The following DSCAML1 variants were observed in gnomAD, a reference collection of about 807,000 sequenced individuals.
DSCAML1 encodes DS cell adhesion molecule like 1.
In DSCAML1, 38 loss-of-function variants were observed where a neutral mutation model predicts 200.5. That is an observed-to-expected ratio of 0.19 (90% CI 0.15 to 0.25). DSCAML1 has a LOEUF of 0.25. DSCAML1 is among the 10% of genes least tolerant of loss of function. DSCAML1 has a pLI of 1.00. For synonymous variants in DSCAML1, 1,215 were observed against 1,165.0 expected (o/e 1.04, Z -0.87); for missense variants, 2,223 against 2,858.8 (o/e 0.78, Z 5.07).
chr11:117,661,489 T>C (rs767090049), intron 3 of DSCAML1, among the ~76,000 whole-genome samples: 1 of 152,208 alleles, frequency 6.6e-6, no homozygotes, highest in Non-Finnish European at 1.5e-5. Flanking sequence ...ATTACAAACA[T>C]CAAGTTACAT....
chr11:117,803,128 G>A (rs868097952), intron 1 of DSCAML1, among the ~76,000 whole-genome samples: 19 of 152,078 alleles, frequency 1.2e-4, no homozygotes, highest in African/African-American at 4.1e-4. Flanking sequence ...GGCCATGCAC[G>A]TACTTCCAGG....
intron 6 of DSCAML1, among the ~76,000 whole-genome samples, chr11:117,519,382 A>G (rs1303111012): frequency 6.6e-6 from 1 of 152,224 alleles, no homozygotes; most frequent in Non-Finnish European, 1.5e-5. Context: ...GCCGGGGCTT[A>G]AGTCTTGGCT....
chr11:117,738,060 T>C (rs562135200), intron 3 of DSCAML1, among the ~76,000 whole-genome samples: 81 of 152,316 alleles, frequency 5.3e-4, no homozygotes, highest in African/African-American at 1.8e-3. Flanking sequence ...AGATGATGAC[T>C]GCCTGAAACA....
intron 21 of DSCAML1, among the ~76,000 whole-genome samples, chr11:117,442,601 G>C (rs544770686): frequency 6.6e-6 from 1 of 152,212 alleles, no homozygotes; most frequent in African/African-American, 2.4e-5. Flanking sequence ...GTGTGAATGT[G>C]TTCTAGGAAG....
chr11:117,741,320 A>G (rs2054419847), intron 3 of DSCAML1, among the ~76,000 whole-genome samples: 1 of 152,236 alleles, frequency 6.6e-6, no homozygotes, highest in Admixed American at 6.5e-5. Flanking sequence ...CATTCTCCAC[A>G]TTCGATCTCT....
chr11:117,468,345 T>C (rs2048623696), intron 16 of DSCAML1, among the ~76,000 whole-genome samples: 2 of 152,244 alleles, frequency 1.3e-5, no homozygotes, highest in South Asian at 2.1e-4. Context: ...CCAAAATTTA[T>C]TGACCACCTG....
intron 3 of DSCAML1, among the ~76,000 whole-genome samples, chr11:117,731,857 G>A (rs751306838): frequency 1.3e-5 from 2 of 152,184 alleles, no homozygotes; most frequent in African/African-American, 2.4e-5. Flanking sequence ...TTTCCAGGCT[G>A]AACCTGGGCA....
At chr11:117,733,491 C>T (rs1311431110) in intron 3 of DSCAML1, among the ~76,000 whole-genome samples, 1 of 152,146 alleles carries the variant, frequency 6.6e-6, no homozygotes, top group African/African-American at 2.4e-5. Flanking sequence ...CTGCTGACTA[C>T]GAAAGGATTA....
rs2052195259 is a variant in DSCAML1 at position 117,632,474 on chromosome 11, G to A, written c.512-99952C>T. 3.3e-5 allele frequency among the ~76,000 whole-genome samples: 5 copies of A among 152,296 alleles called. No homozygotes were observed. The South Asian group carries it at 1.0e-3, about 32-fold the overall frequency. ...TGTTTAAACTTTGCTCATATGATGAGTTTCCTGCCCCTCCCACCAGCCTGG... is the reference window on the plus strand; with the variant it reads ...TGTTTAAACTTTGCTCATATGATGAATTTCCTGCCCCTCCCACCAGCCTGG... On this transcript the variant is annotated intron_variant, in intron 3 of 32. Coordinates refer to ENST00000651296, the MANE Select transcript of DSCAML1 (RefSeq NM_020693.4).
chr11:117,752,595 G>T (rs2054622104), intron 3 of DSCAML1, among the ~76,000 whole-genome samples: 1 of 152,192 alleles, frequency 6.6e-6, no homozygotes, highest in South Asian at 2.1e-4. Flanking sequence ...TTCTTTGGTG[G>T]TTGGTTGGAA....
At chr11:117,464,863 A>T (rs1292224279) in intron 17 of DSCAML1, 79 bp downstream of exon 17, 1 of 1,560,368 alleles carries the variant, frequency 6.4e-7, no homozygotes, top group Non-Finnish European at 8.7e-7. Flanking sequence ...AAACAGAGGG[A>T]CCCACAAACC....
intron 3 of DSCAML1, among the ~76,000 whole-genome samples, chr11:117,769,079 C>A (rs1469359499): frequency 6.0e-5 from 7 of 116,032 alleles, no homozygotes; most frequent in South Asian, 4.8e-4. Context: ...TATATATAAT[C>A]TATATATAAT....
chr11:117,433,516 T>C lies in DSCAML1; in HGVS notation c.4877-45A>G, dbSNP rs775894349. 7.5e-6 allele frequency: 12 copies of C among 1,600,660 alleles called. No individual in the cohort carries two copies. The Admixed American group carries it at 1.7e-4, about 23-fold the overall frequency. On this transcript the variant is annotated intron_variant, in intron 27 of 32. Transcript: ENST00000651296. Reference sequence around the variant, plus strand: ...GAGGAGGGCTGGGTGAGAATGAAGTTTGAACAGGATGACAATGGGAGAGGC... The same window carrying C: ...GAGGAGGGCTGGGTGAGAATGAAGTCTGAACAGGATGACAATGGGAGAGGC...
upstream of DSCAML1, among the ~76,000 whole-genome samples, chr11:117,799,478 A>G (rs1185810601): frequency 1.3e-5 from 2 of 152,166 alleles, no homozygotes; most frequent in Non-Finnish European, 2.9e-5. Flanking sequence ...GGGGGCTTTA[A>G]AGAACCACAA....
At position 117,718,681 on chromosome 11, in the gene DSCAML1, C is replaced by A. The variant is rs59812838; in HGVS notation, c.511+58110G>T. Among the ~76,000 whole-genome samples, 23 of 105,956 alleles carry A rather than the reference C, an allele frequency of 2.2e-4. 3 individuals are homozygous for A. The highest frequency in any genetic ancestry group is 1.3e-3 in the Admixed American group (15 of 11,176). The allele number at this position is 105,956 out of a possible 152,430, so 69.5% of individuals were successfully genotyped here. ...TGAATACTCAAAACCCCCCCCCCCC[C>A]CCATCATATGAGACCTTTAAAAAAT... On this transcript the variant is annotated intron_variant, in intron 3 of 32. Coordinates refer to ENST00000651296, the MANE Select transcript of DSCAML1 (RefSeq NM_020693.4).
intron 26 of DSCAML1, among the ~76,000 whole-genome samples, chr11:117,436,657 G>A (rs141012695): frequency 2.0e-5 from 3 of 152,014 alleles, no homozygotes; most frequent in Non-Finnish European, 2.9e-5. Context: ...CTCAACCCTC[G>A]CAGGACTCCA....
chr11:117,532,995 C>G (rs1027698254), intron 3 of DSCAML1, among the ~76,000 whole-genome samples: 1 of 151,434 alleles, frequency 6.6e-6, no homozygotes. Context: ...AAACAATTAG[C>G]TGGGTTTGGT....
rs2048642592 is a variant in DSCAML1, at chr11:117,469,429, T to C, written c.3024+481A>G. 6.6e-6 allele frequency among the ~76,000 whole-genome samples: 1 copy of C among 152,194 alleles called. No individual in the cohort carries two copies. Among genetic ancestry groups the C allele is most frequent in the Non-Finnish European group, 1.5e-5 (1 of 68,038 alleles). ...TGACAGATGCTTCAGTCACCCCCTA[T>C]ATTTTACAGGTCTTTGCCCTTAGAA... is the stretch of plus-strand genomic sequence containing the variant. On this transcript the variant is annotated intron_variant, in intron 16 of 32. Coordinates refer to ENST00000651296, the MANE Select transcript of DSCAML1 (RefSeq NM_020693.4). This position sits in a 1 kb window ranked among gnomAD's most constrained non-coding sequence, Gnocchi z 4.1.
chr11:117,462,012 C>T (rs897684170), intron 17 of DSCAML1, among the ~76,000 whole-genome samples: 4 of 152,194 alleles, frequency 2.6e-5, no homozygotes. Flanking sequence ...TGCAATGCAT[C>T]ACCTCATCTG....
Sources: allele counts gnomAD v4.1 joint callset (sites outside exome capture counted in the v4.1 genomes callset), GRCh38; gene constraint gnomAD v4.1.1; non-coding constraint Gnocchi (gnomAD v3.1); transcripts MANE v1.5; gene names NCBI Gene and HGNC (gene_info 2026-07-23, HGNC 2026-07-21).